SAMD3: variants seen among roughly 807,000 people sequenced by gnomAD.
SAMD3 encodes the protein sterile alpha motif domain containing 3.
Under a neutral mutation model 58.5 loss-of-function variants are expected in SAMD3, and 63 were observed. The observed-to-expected ratio is 1.08, with a 90% confidence interval of 0.88 to 1.33. SAMD3 has a LOEUF of 1.33. SAMD3 is among the 40% of genes most tolerant of loss of function. SAMD3 has a pLI of 0.00. For missense variants in SAMD3, 604 were observed against 608.4 expected (o/e 0.99, Z 0.08); for synonymous variants, 220 against 210.3 (o/e 1.05, Z -0.40).
At chr6:130,326,861 C>T (rs1776777391) in intron 1 of SAMD3, among the ~76,000 whole-genome samples, 1 of 152,206 alleles carries the variant, frequency 6.6e-6, no homozygotes, top group South Asian at 2.1e-4. Flanking sequence ...CATCCAACCA[C>T]AGGCACTACC....
intron 2 of SAMD3, among the ~76,000 whole-genome samples, chr6:130,254,618 T>C (rs1432323092): frequency 6.6e-6 from 1 of 151,960 alleles, no homozygotes; most frequent in African/African-American, 2.4e-5. Flanking sequence ...TGTAAGCCAG[T>C]ATTGAATACT....
chr6:130,333,564 G>T (rs1777007591), intron 1 of SAMD3, among the ~76,000 whole-genome samples: 1 of 152,116 alleles, frequency 6.6e-6, no homozygotes, highest in African/African-American at 2.4e-5. Flanking sequence ...AATTCCACTG[G>T]AAGCTGAGTC....
chr6:130,266,615 A>G (rs1379842808), intron 2 of SAMD3, among the ~76,000 whole-genome samples: 2 of 152,226 alleles, frequency 1.3e-5, no homozygotes, highest in Non-Finnish European at 2.9e-5. Context: ...GTTGCAAACC[A>G]TGTAGATCCT....
chr6:130,363,607 C>A (rs1348475655), intron 1 of SAMD3, among the ~76,000 whole-genome samples: 2 of 152,148 alleles, frequency 1.3e-5, no homozygotes, highest in Non-Finnish European at 2.9e-5. Flanking sequence ...CACATCATTT[C>A]ATTCAATTTT....
chr6:130,279,239 C>T (rs1774896315), intron 2 of SAMD3, among the ~76,000 whole-genome samples: 1 of 152,102 alleles, frequency 6.6e-6, no homozygotes, highest in African/African-American at 2.4e-5. Context: ...AAATTGTCAT[C>T]CTTATAATCC....
intron 4 of SAMD3, among the ~76,000 whole-genome samples, chr6:130,211,579 G>A (rs1340204231): frequency 2.0e-5 from 3 of 151,904 alleles, no homozygotes; most frequent in East Asian, 1.9e-4. Flanking sequence ...CCACCACGCC[G>A]AGCTGCCAAT....
chr6:130,342,734 T>C (rs1426464916), intron 1 of SAMD3, among the ~76,000 whole-genome samples: 3 of 152,230 alleles, frequency 2.0e-5, no homozygotes, highest in Admixed American at 6.5e-5. Flanking sequence ...AAATTTTATA[T>C]GTAACTCATT....
chr6:130,351,150 C>A (rs1385762245), intron 1 of SAMD3, among the ~76,000 whole-genome samples: 1 of 152,152 alleles, frequency 6.6e-6, no homozygotes, highest in Non-Finnish European at 1.5e-5. Flanking sequence ...CGATACCACT[C>A]AGGACATAGG....
At chr6:130,178,739 C>A (rs1169400334) in intron 7 of SAMD3, among the ~76,000 whole-genome samples, 1 of 152,232 alleles carries the variant, frequency 6.6e-6, no homozygotes, top group Non-Finnish European at 1.5e-5. Context: ...CTATCAACTG[C>A]ACTAGCCTTT....
At chr6:130,236,533 A>G (rs938199416) in intron 2 of SAMD3, among the ~76,000 whole-genome samples, 22 of 152,120 alleles carry the variant, frequency 1.4e-4, no homozygotes, top group African/African-American at 5.3e-4. Context: ...ACAGGCGCCC[A>G]CCACCGCACC....
intron 1 of SAMD3, among the ~76,000 whole-genome samples, chr6:130,315,762 TA>T (rs1220826800): frequency 2.0e-5 from 3 of 152,198 alleles, no homozygotes; most frequent in Admixed American, 6.5e-5. Flanking sequence ...AATGATTTTT[TA>T]AATAATTTAA....
At chr6:130,217,952 TGGCGTGTAAAAAAGAAGGAAAATTGA>T (rs1368345808) in intron 1 of SAMD3, among the ~76,000 whole-genome samples, 2 of 152,142 alleles carry the variant, frequency 1.3e-5, no homozygotes, top group Admixed American at 1.3e-4. Flanking sequence ...GTTCCAGGCC[TGGCGTGTAAAAAAGAAGGAAAATTGA>T]GGTACAAAAA....
Position 130,184,229 on chromosome 6 carries a change from A to C in SAMD3, c.570-42T>G, listed in dbSNP as rs41285310. On this transcript the variant is annotated intron_variant, in intron 6 of 11. Transcript: ENST00000439090. ...GGAGGATATGTTTCACTTCAAGCAAACCACATTCCTTCCTTTAAGATGAGT... is the reference window on the plus strand; with the variant it reads ...GGAGGATATGTTTCACTTCAAGCAACCCACATTCCTTCCTTTAAGATGAGT... 725,785 of 1,483,162 alleles carry C rather than the reference A, an allele frequency of 0.49. 184,336 individuals are homozygous for C. The highest frequency in any genetic ancestry group is 0.53 in the Non-Finnish European group (570,270 of 1,077,350). The allele number at this position is 1,483,162 out of a possible 1,614,324, so 91.9% of individuals were successfully genotyped here.
chr6:130,303,056 T>C (rs1775805777), intron 2 of SAMD3, among the ~76,000 whole-genome samples: 1 of 152,110 alleles, frequency 6.6e-6, no homozygotes, highest in South Asian at 2.1e-4. Flanking sequence ...ATCCCCTGAA[T>C]CTATAATACA....
chr6:130,207,091 G>T (rs1268661526), intron 5 of SAMD3, among the ~76,000 whole-genome samples: 1 of 148,970 alleles, frequency 6.7e-6, no homozygotes, highest in Non-Finnish European at 1.5e-5. Context: ...CAAGGCTGCA[G>T]TGAGCCCTGA....
chr6:130,363,278 C>T (rs952512317), intron 1 of SAMD3, among the ~76,000 whole-genome samples: 1 of 152,098 alleles, frequency 6.6e-6, no homozygotes, highest in Non-Finnish European at 1.5e-5. Flanking sequence ...GAATATAATC[C>T]CACACAAATT....
chr6:130,218,145 C>A (rs764026852), intron 1 of SAMD3, among the ~76,000 whole-genome samples: 4 of 152,102 alleles, frequency 2.6e-5, no homozygotes, highest in Non-Finnish European at 5.9e-5. Flanking sequence ...CTCACAGACA[C>A]TTTGAAGGGT....
intron 2 of SAMD3, among the ~76,000 whole-genome samples, chr6:130,268,031 T>C (rs1037427280): frequency 6.6e-6 from 1 of 152,180 alleles, no homozygotes; most frequent in Non-Finnish European, 1.5e-5. Flanking sequence ...TGTAGTGACA[T>C]TGTAACCATC....
intron 2 of SAMD3, among the ~76,000 whole-genome samples, chr6:130,265,017 C>A (rs1204799793): frequency 6.6e-6 from 1 of 152,188 alleles, no homozygotes; most frequent in Admixed American, 6.5e-5. Context: ...AGCAGATAAG[C>A]TAACTCTTAG....
Sources: gnomAD v4.1 joint callset for allele counts (sites outside exome capture counted in the v4.1 genomes callset) on GRCh38, gnomAD v4.1.1 for gene constraint, MANE v1.5 for transcripts, NCBI Gene and HGNC (gene_info 2026-07-23, HGNC 2026-07-21) for gene names.